The following KRT37 variants were observed in gnomAD, a reference collection of about 807,000 sequenced individuals.
The protein encoded by KRT37 is keratin 37.
KRT37 carries 38 observed loss-of-function variants against 41.9 expected under a neutral mutation model. That is an observed-to-expected ratio of 0.91 (90% CI 0.70 to 1.19). The LOEUF (loss-of-function observed/expected upper bound fraction) is 1.19, where lower values mean the gene tolerates loss of function less well. Ranked by LOEUF, KRT37 falls within the 50% of genes most tolerant of loss-of-function variation. The pLI is 0.00. For synonymous variants in KRT37, 252 were observed against 243.4 expected, an observed-to-expected ratio of 1.04 and a Z score of -0.33; for missense variants, 580 against 575.5, an observed-to-expected ratio of 1.01 and a Z score of -0.08.
At chr17:41,423,082 G>A in intron 2 of KRT37, 148 bp from the exon 3 acceptor site, 2 of 960,462 alleles carry the variant, frequency 2.1e-6, no homozygotes, top group Middle Eastern at 2.3e-4. Context: ...GACACGGTTT[G>A]TAGTCAGGAC....
Position 41,424,240 on chromosome 17 carries a change from T to A in KRT37, c.284A>T (p.Tyr95Phe). 6.2e-7 allele frequency: 1 copy of A among 1,614,224 alleles called. No homozygotes were observed. ...IPGNIGICGA[Y>F]GKNTLNGHEK... ...ATGGCCATTCAGGGTGTTTTTGCCG[T>A]AGGCCCCACAGATTCCGATGTTGCC... Residue 95 changes from tyrosine (Y) to phenylalanine (F), a missense_variant, in exon 1 of 7, where the codon TAC (tyrosine) becomes TTC (phenylalanine). By Grantham distance (22) the Tyr-to-Phe change is conservative. Coordinates refer to ENST00000225550, the MANE Select transcript of KRT37 (RefSeq NM_003770.5).
At position 41,422,305 on chromosome 17, in the gene KRT37, G is replaced by T. The variant is rs750235978; in HGVS notation, c.862C>A (p.His288Asn). 6.2e-7 allele frequency: 1 copy of T among 1,614,158 alleles called. No individual in the cohort carries two copies. Among genetic ancestry groups the T allele is most frequent in the South Asian group, 1.1e-5 (1 of 91,082 alleles). Residue 288 changes from histidine (H) to asparagine (N), a missense_variant, in exon 4 of 7, where the codon CAC becomes AAC. Physicochemically the swap from His to Asn is moderately conservative, Grantham distance 68 (BLOSUM62 1). Transcript: ENST00000225550. ...AQYEAMVETN[H>N]QDVEQWFQAQ... ...TGGAACCACTGTTCCACATCCTGGT[G>T]GTTGGTCTCCACCATGGCCTCGTAC...
chr17:41,422,568 G>T, intron 3 of KRT37, 134 bp from the exon 4 acceptor site: 3 of 1,373,034 alleles, frequency 2.2e-6, no homozygotes, highest in South Asian at 1.3e-5. Flanking sequence ...GTCTTGTCCA[G>T]AGTGCATTTG....
In KRT37 at chr17:41,424,406, C is replaced by A; in HGVS notation, c.118G>T (p.Ala40Ser). 6.2e-7 allele frequency: 1 copy of A among 1,613,550 alleles called. No individual in the cohort carries two copies. The highest frequency in any genetic ancestry group is 1.7e-5 in the Admixed American group (1 of 60,024). ...VGCQPVAEAN[A>S]ASMCLLANVA... ...TTGGCCAAGAGGCACATGGAGGCAG[C>A]ATTGGCCTCTGCCACAGGCTGGCAC... is the stretch of plus-strand genomic sequence containing the variant. Residue 40 changes from alanine to serine, a missense_variant, in exon 1 of 7, where the codon GCT (alanine) becomes TCT (serine). Coordinates refer to ENST00000225550, the MANE Select transcript of KRT37 (RefSeq NM_003770.5).
Position 41,421,444 on chromosome 17 carries a change from C to G in KRT37, c.1164G>C (p.Gln388His), listed in dbSNP as rs773615342. 1 of 1,614,234 alleles carries G rather than the reference C, an allele frequency of 6.2e-7. No individual in the cohort carries two copies. The highest frequency in any genetic ancestry group is 8.5e-7 in the Non-Finnish European group (1 of 1,180,040). ...ACCGGGCCTTCACGTCCAGCAGCAC[C>G]TGGTACTCCTGGTTCTGCCGCTCCA... ...ADLERQNQEY[Q>H]VLLDVKARLE... is the part of the protein sequence containing the mutation. Residue 388 changes from glutamine to histidine, a missense_variant, in exon 6 of 7, where the codon CAG becomes CAC. By Grantham distance (24) the Gln-to-His change is conservative. Transcript: ENST00000225550.
At position 41,421,797 on chromosome 17, in the gene KRT37, C is replaced by T. The variant is rs545078800; in HGVS notation, c.1021-210G>A. ...ACTGTCATGTTCATCCCTGTATCCCCAGTGCTTGACAAAAAGCAGGCACCT... is the reference window on the plus strand; with the variant it reads ...ACTGTCATGTTCATCCCTGTATCCCTAGTGCTTGACAAAAAGCAGGCACCT... On this transcript the variant is annotated intron_variant, in intron 5 of 6. Coordinates refer to ENST00000225550, the MANE Select transcript of KRT37 (RefSeq NM_003770.5). Among the ~76,000 whole-genome samples, 4 of 152,312 alleles carry T rather than the reference C, an allele frequency of 2.6e-5. No individual in the cohort carries two copies. The South Asian group carries it at 6.2e-4, about 24-fold the overall frequency.
rs1303367465 is a variant in KRT37, at chr17:41,422,492, A to T, written c.733-58T>A. 1.9e-6 allele frequency: 3 copies of T among 1,595,316 alleles called. No individual in the cohort carries two copies. In the African/African-American group the frequency reaches 4.0e-5, roughly 21 times the overall value. The stretch of plus-strand genomic sequence containing the variant: ...AAGGAAACGGCCTTTGATGGAGCAG[A>T]CAGCACCAGGACTCCGTCCCTGGCA... On this transcript the variant is annotated intron_variant, in intron 3 of 6. Coordinates refer to ENST00000225550, the MANE Select transcript of KRT37 (RefSeq NM_003770.5).
chr17:41,421,660 A>C, intron 5 of KRT37, 73 bp from the exon 6 acceptor site: 1 of 1,437,724 alleles, frequency 7.0e-7, no homozygotes, highest in Non-Finnish European at 9.7e-7. Context: ...GACCAAACTC[A>C]TCACACATAG....
chr17:41,424,388 A>C lies in KRT37; in HGVS notation c.136T>G (p.Leu46Val), dbSNP rs199517772. ...CTGTTGGCGTGTGCCACGTTGGCCA[A>C]GAGGCACATGGAGGCAGCATTGGCC... ...AEANAASMCL[L>V]ANVAHANRVR... The change falls in exon 1 of 7, where the codon TTG becomes GTG. Residue 46 changes from leucine to valine, a missense_variant. Coordinates refer to ENST00000225550, the MANE Select transcript of KRT37 (RefSeq NM_003770.5). 6.2e-7 allele frequency: 1 copy of C among 1,613,840 alleles called. No individual in the cohort carries two copies. Among genetic ancestry groups the C allele is most frequent in the East Asian group, 2.2e-5 (1 of 44,858 alleles).
chr17:41,423,558 C>T (rs2018572298), intron 2 of KRT37: 1 of 569,904 alleles, frequency 1.8e-6, no homozygotes, highest in East Asian at 2.8e-5. Context: ...AGACTACAGC[C>T]CTTCTTTTTC....
At position 41,422,362 on chromosome 17, in the gene KRT37, G is replaced by A. The variant is rs776013106; in HGVS notation, c.805C>T (p.Leu269=). The change falls in exon 4 of 7, where the codon CTG becomes TTG. Residue 269 remains leucine (L), a synonymous_variant. Transcript: ENST00000225550. The part of the protein sequence containing the change: ...IELDIEPTID[L]NRVLGEMRAQ... ...CGCATCTCCCCCAACACCCTGTTCAGGTCAATGGTGGGCTCAATGTCCAGC... is the reference window on the plus strand; with the variant it reads ...CGCATCTCCCCCAACACCCTGTTCAAGTCAATGGTGGGCTCAATGTCCAGC... 6.2e-7 allele frequency: 1 copy of A among 1,614,218 alleles called. No homozygotes were observed. The highest frequency in any genetic ancestry group is 1.1e-5 in the South Asian group (1 of 91,080).
intron 2 of KRT37, 67 bp downstream of exon 2, chr17:41,423,695 T>C: frequency 6.9e-7 from 1 of 1,438,878 alleles, no homozygotes; most frequent in Non-Finnish European, 9.8e-7. Flanking sequence ...ATAGACTGAG[T>C]AATGGGGCGG....
intron 6 of KRT37, 93 bp from the exon 7 acceptor site, chr17:41,421,079 A>G (rs867950662): frequency 8.5e-6 from 8 of 940,372 alleles, no homozygotes; most frequent in Middle Eastern, 2.2e-4. Flanking sequence ...CCTGCCACCA[A>G]CAAGGCACAC....
chr17:41,422,679 G>T, intron 3 of KRT37, 99 bp downstream of exon 3: 1 of 1,328,990 alleles, frequency 7.5e-7, no homozygotes, highest in Non-Finnish European at 1.0e-6. Context: ...GCATCCTTAG[G>T]CCAGCTGAGC....
chr17:41,421,731 AC>A, intron 5 of KRT37, 144 bp from the exon 6 acceptor site: 1 of 809,370 alleles, frequency 1.2e-6, no homozygotes, highest in Non-Finnish European at 2.0e-6. Flanking sequence ...TGTCAACATG[AC>A]CATGACTTCT....
At position 41,424,305 on chromosome 17, in the gene KRT37, A is replaced by G. The variant is rs1426457014; in HGVS notation, c.219T>C (p.Ser73=). The G allele has an allele frequency of 9.3e-6, 15 of 1,614,016 alleles. No homozygotes were observed. Among genetic ancestry groups the G allele is most frequent in the African/African-American group, 6.7e-5 (5 of 74,924 alleles). ...TCCCTGGCAAGGGACAAGCAGTGTG[A>G]CTGGTTGGGGGCAGACAGAGGCTGG... The part of the protein sequence containing the change: ...GRPSLCLPPT[S]HTACPLPGTC... Residue 73 remains serine (S), a synonymous_variant, in exon 1 of 7, where the codon AGT becomes AGC. Transcript: ENST00000225550.
At chr17:41,421,680 CA>C in intron 5 of KRT37, 93 bp from the exon 6 acceptor site, 1 of 1,200,610 alleles carries the variant, frequency 8.3e-7, no homozygotes. Context: ...GGGCAAATTC[CA>C]AAATGTCATA....
chr17:41,421,282 T>C, intron 6 of KRT37, 85 bp downstream of exon 6: 1 of 1,395,110 alleles, frequency 7.2e-7, no homozygotes, highest in Non-Finnish European at 1.0e-6. Context: ...GTTAAGATGA[T>C]ATCTTCTGCA....
chr17:41,423,943 C>T, intron 1 of KRT37, 89 bp downstream of exon 1: 1 of 1,604,176 alleles, frequency 6.2e-7, no homozygotes, highest in Non-Finnish European at 8.5e-7. Flanking sequence ...AAACCAAGAA[C>T]CCAAAGCTCT....
Sources: allele counts gnomAD v4.1 joint callset (sites outside exome capture counted in the v4.1 genomes callset), GRCh38; gene constraint gnomAD v4.1.1; transcripts MANE v1.5; gene names NCBI Gene and HGNC (gene_info 2026-07-23, HGNC 2026-07-21).